Variants in MEI4 observed in about 807,000 individuals in gnomAD.
MEI4 encodes the protein meiosis-specific protein MEI4.
A neutral mutation model predicts 31.4 loss-of-function variants in MEI4; 27 were observed. That is an observed-to-expected ratio of 0.86 (90% CI 0.63 to 1.19). MEI4 has a LOEUF of 1.19. Ranked by LOEUF, MEI4 falls within the 50% of genes most tolerant of loss-of-function variation. The probability of loss-of-function intolerance (pLI) is 0.00; values close to 1 mark genes in which losing one functional copy is unlikely to be tolerated. For synonymous variants in MEI4, 122 were observed against 145.4 expected (o/e 0.84, Z 1.16); for missense variants, 329 against 398.9 (o/e 0.82, Z 1.49).
intron 3 of MEI4, among the ~76,000 whole-genome samples, chr6:77,781,379 C>T (rs1174864363): frequency 6.6e-6 from 1 of 152,064 alleles, no homozygotes; most frequent in Non-Finnish European, 1.5e-5. Context: ...AGAAATTGTG[C>T]ATTATTTTCC....
At chr6:77,669,054 C>A (rs147024029) in intron 1 of MEI4, among the ~76,000 whole-genome samples, 48 of 152,278 alleles carry the variant, frequency 3.2e-4, no homozygotes, top group African/African-American at 1.1e-3. Context: ...CATACAGATG[C>A]AACTTCCTAT....
chr6:77,743,450 G>A (rs1372930459), intron 2 of MEI4, among the ~76,000 whole-genome samples: 1 of 152,144 alleles, frequency 6.6e-6, no homozygotes, highest in African/African-American at 2.4e-5. Flanking sequence ...AAGAATGCTT[G>A]TGATTTTTGT....
rs140378133 is a variant in MEI4 at position 77,758,355 on chromosome 6, A to C, written c.233-2775A>C. Among the ~76,000 whole-genome samples the C allele has an allele frequency of 5.7e-4, 87 of 152,300 alleles. No homozygotes were observed. The East Asian group carries it at 8.5e-3, about 15-fold the overall frequency. On this transcript the variant is annotated intron_variant, in intron 2 of 4. Transcript: ENST00000684080. ...ACATGTCTGCACATTTTTGATGGTT[A>C]TAGTAGACACTTGTTAAATGAATAA...
At chr6:77,873,570 T>G (rs537339395) in intron 4 of MEI4, among the ~76,000 whole-genome samples, 2 of 152,194 alleles carry the variant, frequency 1.3e-5, no homozygotes, top group East Asian at 3.8e-4. Context: ...TTCACTCTGA[T>G]GGTAGTTTCT....
At chr6:77,678,304 G>A (rs2127648002) in intron 1 of MEI4, among the ~76,000 whole-genome samples, 1 of 152,320 alleles carries the variant, frequency 6.6e-6, no homozygotes, top group Admixed American at 6.5e-5. Context: ...TGGCTGTGAT[G>A]TCAGCTTGAG....
chr6:77,746,289 G>T (rs1767600518), intron 2 of MEI4, among the ~76,000 whole-genome samples: 1 of 152,134 alleles, frequency 6.6e-6, no homozygotes, highest in Non-Finnish European at 1.5e-5. Context: ...CTTTAAATGT[G>T]TTTTCAGATA....
At chr6:77,779,328 A>C (rs576521330) in intron 3 of MEI4, among the ~76,000 whole-genome samples, 1 of 152,340 alleles carries the variant, frequency 6.6e-6, no homozygotes, top group Admixed American at 6.5e-5. Flanking sequence ...AAGAACTGAA[A>C]GGTGTTCCAA....
At chr6:77,657,701 C>T (rs1768423234) in intron 1 of MEI4, among the ~76,000 whole-genome samples, 1 of 152,124 alleles carries the variant, frequency 6.6e-6, no homozygotes. Flanking sequence ...CCCCAACTTC[C>T]CTACCCTATT....
chr6:77,728,805 G>A (rs1026436776), intron 2 of MEI4, among the ~76,000 whole-genome samples: 1 of 152,178 alleles, frequency 6.6e-6, no homozygotes, highest in Non-Finnish European at 1.5e-5. Flanking sequence ...GATGAGGCCA[G>A]AGAGGAGACA....
chr6:77,730,133 T>C (rs1425086631), intron 2 of MEI4, among the ~76,000 whole-genome samples: 1 of 151,990 alleles, frequency 6.6e-6, no homozygotes, highest in East Asian at 1.9e-4. Context: ...ATGGGAAAGG[T>C]AATTGGGGCT....
chr6:77,885,381 G>A (rs7764748), intron 4 of MEI4, among the ~76,000 whole-genome samples: 1,683 of 151,860 alleles, frequency 0.011, 27 homozygotes, highest in African/African-American at 0.039. Context: ...TTGTAGAGAT[G>A]AGGTTTTGCC....
intron 4 of MEI4, among the ~76,000 whole-genome samples, chr6:77,830,824 G>A (rs1185597940): frequency 6.6e-6 from 1 of 152,074 alleles, no homozygotes; most frequent in African/African-American, 2.4e-5. Flanking sequence ...GGGAAGTGCT[G>A]TAGGACATTG....
chr6:77,911,462 A>C (rs1021518884), intron 4 of MEI4, among the ~76,000 whole-genome samples: 2 of 151,458 alleles, frequency 1.3e-5, no homozygotes, highest in Non-Finnish European at 2.9e-5. Flanking sequence ...CCTCCTTCTG[A>C]CCCTACCTGC....
intron 2 of MEI4, among the ~76,000 whole-genome samples, chr6:77,715,160 G>GA (rs1262317542): frequency 2.0e-5 from 3 of 151,770 alleles, no homozygotes; most frequent in African/African-American, 4.8e-5. Context: ...TTCTCTTCTG[G>GA]AAAAAAAATG....
At chr6:77,825,576 C>G (rs566532828) in intron 3 of MEI4, among the ~76,000 whole-genome samples, 2 of 152,136 alleles carry the variant, frequency 1.3e-5, no homozygotes, top group South Asian at 4.1e-4. Context: ...CTTTTGGATT[C>G]TTCTGGATAT....
chr6:77,733,248 A>G (rs987152425), intron 2 of MEI4, among the ~76,000 whole-genome samples: 2 of 151,984 alleles, frequency 1.3e-5, no homozygotes, highest in South Asian at 2.1e-4. Flanking sequence ...CTGTGAATCC[A>G]TCTGATCCTG....
rs1486131119 is a variant in MEI4, at chr6:77,761,633, C to A, written c.736C>A (p.His246Asn). Residue 246 changes from histidine to asparagine, a missense_variant, in exon 3 of 5, where the codon CAT (histidine) becomes AAT (asparagine). Transcript: ENST00000684080. Reference sequence around the variant, plus strand: ...GGAAGAATTTGAGAAAACCCTACTACATGCTATTTTAGGAAACAATCATAT... The same window carrying A: ...GGAAGAATTTGAGAAAACCCTACTAAATGCTATTTTAGGAAACAATCATAT... ...KLEEFEKTLL[H>N]AILGNNHINQ... 4.9e-6 allele frequency: 6 copies of A among 1,231,548 alleles called. No homozygotes were observed. The African/African-American group carries it at 9.3e-5, about 19-fold the overall frequency. 76.3% of individuals were successfully genotyped at this position (1,231,548 alleles called of 1,614,324 possible).
At position 77,868,499 on chromosome 6, in the gene MEI4, C is replaced by CTATATATATATATATATATATATATA. The variant is rs71558933; in HGVS notation, c.900+39439_900+39440insTATATATATATATATATATATATATA. On this transcript the variant is annotated intron_variant, in intron 4 of 4. Transcript: ENST00000684080. Reference sequence around the variant, plus strand: ...GGAAAAAACTTCCATGTAAAAAATACTACATATATATATATATATATATAT... The same window carrying CTATATATATATATATATATATATATA: ...GGAAAAAACTTCCATGTAAAAAATACTATATATATATATATATATATATATATACATATATATATATATATATATAT... 1.2e-3 allele frequency among the ~76,000 whole-genome samples: 77 copies of CTATATATATATATATATATATATATA among 61,690 alleles called. 12 individuals carry two copies. The highest frequency in any genetic ancestry group is 1.4e-3 in the Non-Finnish European group (45 of 31,658). The allele number at this position is 61,690 out of a possible 152,430, so 40.5% of individuals were successfully genotyped here. A position where few individuals can be genotyped will look rare whatever the true frequency, so the allele number is the denominator to read the frequency against.
At chr6:77,805,081 T>G (rs1769393167) in intron 3 of MEI4, among the ~76,000 whole-genome samples, 1 of 152,176 alleles carries the variant, frequency 6.6e-6, no homozygotes, top group African/African-American at 2.4e-5. Flanking sequence ...AATCAAGTAA[T>G]AGAAGATATT....
Sources: allele counts gnomAD v4.1 joint callset (sites outside exome capture counted in the v4.1 genomes callset), GRCh38; gene constraint gnomAD v4.1.1; transcripts MANE v1.5; gene names NCBI Gene and HGNC (gene_info 2026-07-23, HGNC 2026-07-21).